Variants in ATP5F1A observed in about 807,000 individuals in gnomAD.
ATP5F1A encodes ATP synthase F(1) complex subunit alpha, mitochondrial.
ATP5F1A carries 24 observed loss-of-function variants against 57.4 expected under a neutral mutation model. The observed-to-expected ratio is 0.42, with a 90% confidence interval of 0.30 to 0.59. ATP5F1A has a LOEUF of 0.59. Among genes scored for constraint, ATP5F1A ranks in the 20% least tolerant of loss-of-function variants. ATP5F1A has a pLI of 0.19. For missense variants in ATP5F1A, 494 were observed against 707.9 expected, an observed-to-expected ratio of 0.70 and a Z score of 3.43; for synonymous variants, 251 against 255.5, an observed-to-expected ratio of 0.98 and a Z score of 0.17.
chr18:46,102,356 C>T (rs1911300428), upstream of ATP5F1A, among the ~76,000 whole-genome samples: 1 of 151,896 alleles, frequency 6.6e-6, no homozygotes, highest in Non-Finnish European at 1.5e-5. Flanking sequence ...TGGATTCTCA[C>T]TCTGTCGCCC....
intron 8 of ATP5F1A, chr18:46,086,735 A>G (rs1910126986): frequency 6.8e-6 from 4 of 584,006 alleles, no homozygotes; most frequent in South Asian, 2.1e-5. Context: ...ATGAAGTGAT[A>G]TAATTTCTAT....
At chr18:46,099,739 C>G (rs1214431189), upstream of ATP5F1A, among the ~76,000 whole-genome samples, 1 of 152,130 alleles carries the variant, frequency 6.6e-6, no homozygotes, top group Non-Finnish European at 1.5e-5. Context: ...CGCTTTTCAC[C>G]GTTTGGAGAA....
chr18:46,084,809 A>C, intron 10 of ATP5F1A, 155 bp from the exon 11 acceptor site: 1 of 730,714 alleles, frequency 1.4e-6, no homozygotes, highest in Non-Finnish European at 2.1e-6. Flanking sequence ...TCCACTTAAT[A>C]ATCCTTCCTC....
chr18:46,095,493 T>A (rs1384138409), intron 1 of ATP5F1A, among the ~76,000 whole-genome samples: 3 of 151,786 alleles, frequency 2.0e-5, no homozygotes, highest in African/African-American at 7.3e-5. Flanking sequence ...TTTTTTATAT[T>A]TTTAGTAGAG....
upstream of ATP5F1A, among the ~76,000 whole-genome samples, chr18:46,099,578 C>T (rs964982191): frequency 5.3e-5 from 8 of 151,678 alleles, no homozygotes; most frequent in African/African-American, 1.7e-4. Flanking sequence ...TCAGCCTGTG[C>T]CCCTGTGGTC....
At chr18:46,095,000 A>G in intron 2 of ATP5F1A, 53 bp downstream of exon 2, 1 of 1,544,016 alleles carries the variant, frequency 6.5e-7, no homozygotes, top group Middle Eastern at 1.8e-4. Flanking sequence ...CGATGTATGT[A>G]ATTTATATCT....
chr18:46,094,356 T>C (rs1429421726), intron 2 of ATP5F1A, among the ~76,000 whole-genome samples: 1 of 152,132 alleles, frequency 6.6e-6, no homozygotes, highest in Admixed American at 6.6e-5. Context: ...ATCTAGTAGC[T>C]ACTGCCTTTG....
At chr18:46,102,123 G>A (rs79982269), upstream of ATP5F1A, among the ~76,000 whole-genome samples, 2,034 of 150,030 alleles carry the variant, frequency 0.014, 54 homozygotes, top group African/African-American at 0.047. Flanking sequence ...GCAGTAAGCC[G>A]AGATTGCTCA....
chr18:46,097,689 A>C, intron 1 of ATP5F1A: 1 of 456,672 alleles, frequency 2.2e-6, no homozygotes, highest in Non-Finnish European at 2.9e-6. Flanking sequence ...CTTTCCTCTA[A>C]ACTGAGCTCC....
At chr18:46,094,699 A>T (rs543120326) in intron 2 of ATP5F1A, 1 of 166,768 alleles carries the variant, frequency 6.0e-6, no homozygotes, top group African/African-American at 2.4e-5. Context: ...AAACCTATCA[A>T]TAAGAACTTA....
upstream of ATP5F1A, among the ~76,000 whole-genome samples, chr18:46,102,768 G>A (rs1453019591): frequency 6.6e-6 from 1 of 152,012 alleles, no homozygotes; most frequent in Admixed American, 6.6e-5. Context: ...GCAACATAGT[G>A]AGACCCTCTT....
chr18:46,087,206 C>T lies in ATP5F1A; in HGVS notation c.978G>A (p.Leu326=), dbSNP rs139506641. ...CACGACCAGGGGGTCGGCGGAGCAA[C>T]AGAGACATCTGACGGTAAGCAACAG... ...KQAVAYRQMS[L]LLRRPPGREA... Residue 326 remains leucine, a synonymous_variant, in exon 8 of 12, where the codon CTG becomes CTA. Transcript: ENST00000398752. 6.2e-7 allele frequency: 1 copy of T among 1,614,090 alleles called. No individual in the cohort carries two copies. The highest frequency in any genetic ancestry group is 1.3e-5 in the African/African-American group (1 of 74,932).
intron 2 of ATP5F1A, 111 bp from the exon 3 acceptor site, chr18:46,091,962 C>T: frequency 9.5e-7 from 1 of 1,049,502 alleles, no homozygotes; most frequent in Non-Finnish European, 1.3e-6. Flanking sequence ...CACCTAAGGG[C>T]AGGAGTTTGA....
At chr18:46,092,323 A>G (rs1222900007) in intron 2 of ATP5F1A, 2 of 151,092 alleles carry the variant, frequency 1.3e-5, no homozygotes, top group South Asian at 2.1e-4. Flanking sequence ...CTACAGACCC[A>G]GCACAGTGGC....
At chr18:46,094,151 G>A (rs1324215751) in intron 2 of ATP5F1A, among the ~76,000 whole-genome samples, 3 of 130,708 alleles carry the variant, frequency 2.3e-5, no homozygotes, top group Non-Finnish European at 3.3e-5. Context: ...GAACGTGGGG[G>A]TGTGTGTACA....
rs771883737 is a variant in ATP5F1A, at chr18:46,084,601, AT to A, written c.1482del (p.Tyr495IlefsTer46). 1.2e-6 allele frequency: 2 copies of A among 1,612,328 alleles called. No homozygotes were observed. The highest frequency in any genetic ancestry group is 1.7e-6 in the Non-Finnish European group (2 of 1,179,638). On this transcript the variant is annotated frameshift_variant, in exon 11 of 12. Coordinates refer to ENST00000398752, the MANE Select transcript of ATP5F1A (RefSeq NM_004046.6). LOFTEE classifies it high-confidence loss of function. ...QVAVIYAGVR[G>X]YLDKLEPSKI... Reference sequence around the variant, plus strand: ...TTGCTGGGCTCCAGTTTATCAAGATATCCCCTTACACCCGCATAGATAACAG... The same window carrying A: ...TTGCTGGGCTCCAGTTTATCAAGATACCCCTTACACCCGCATAGATAACAG...
At chr18:46,085,850 G>C (rs773996226) in intron 10 of ATP5F1A, 5 of 400,780 alleles carry the variant, frequency 1.2e-5, no homozygotes, top group Non-Finnish European at 2.2e-5. Context: ...GGAGAATCGC[G>C]TGAATCCAGG....
At chr18:46,098,675 A>G (rs1911163973), upstream of ATP5F1A, among the ~76,000 whole-genome samples, 1 of 151,920 alleles carries the variant, frequency 6.6e-6, no homozygotes, top group African/African-American at 2.4e-5. Flanking sequence ...GTAGTGTTAG[A>G]CCGTGGTTTA....
At chr18:46,102,442 G>T (rs186827301), upstream of ATP5F1A, among the ~76,000 whole-genome samples, 1,034 of 151,952 alleles carry the variant, frequency 6.8e-3, 7 homozygotes, top group African/African-American at 0.023. Flanking sequence ...TCTTGCCTCA[G>T]CCTCCCAAGT....
Sources: allele counts gnomAD v4.1 joint callset (sites outside exome capture counted in the v4.1 genomes callset), GRCh38; gene constraint gnomAD v4.1.1; transcripts MANE v1.5; gene names NCBI Gene and HGNC (gene_info 2026-07-23, HGNC 2026-07-21).